TRABD2A: variants seen among roughly 807,000 people sequenced by gnomAD.
The protein encoded by TRABD2A is TraB domain containing 2A.
A neutral mutation model predicts 45.6 loss-of-function variants in TRABD2A; 43 were observed. The ratio of observed to expected loss-of-function variants is 0.94; its 90% CI spans 0.74 to 1.22. The LOEUF is 1.22. Ranked by LOEUF, TRABD2A falls within the 50% of genes most tolerant of loss-of-function variation. TRABD2A has a pLI of 0.00. For missense variants in TRABD2A, 642 were observed against 652.4 expected (o/e 0.98, Z 0.17); for synonymous variants, 269 against 265.0 (o/e 1.02, Z -0.15).
intron 2 of TRABD2A, among the ~76,000 whole-genome samples, chr2:84,845,079 G>C (rs549174339): frequency 6.6e-6 from 1 of 152,168 alleles, no homozygotes; most frequent in African/African-American, 2.4e-5. Flanking sequence ...GGCCAGGCGC[G>C]GTGGCTCACA....
chr2:84,857,153 G>A (rs974616580), intron 2 of TRABD2A, among the ~76,000 whole-genome samples: 1 of 152,214 alleles, frequency 6.6e-6, no homozygotes, highest in Non-Finnish European at 1.5e-5. Context: ...CACCTAGGCT[G>A]TGGTATTCTG....
chr2:84,851,903 A>G (rs1409619694), intron 2 of TRABD2A, among the ~76,000 whole-genome samples: 1 of 152,230 alleles, frequency 6.6e-6, no homozygotes, highest in Non-Finnish European at 1.5e-5. Context: ...TTACATTTAT[A>G]AGCCGTTAAT....
chr2:84,832,234 C>A (rs1472652849), intron 4 of TRABD2A, 89 bp from the exon 5 acceptor site: 7 of 1,320,720 alleles, frequency 5.3e-6, no homozygotes, highest in Non-Finnish European at 7.6e-6. Flanking sequence ...CAAGAAATTA[C>A]CCTGCCAAGC....
chr2:84,864,459 T>G (rs1682607712), intron 2 of TRABD2A, among the ~76,000 whole-genome samples: 1 of 152,172 alleles, frequency 6.6e-6, no homozygotes, highest in Non-Finnish European at 1.5e-5. Context: ...CTTCCGCCTT[T>G]TGAACCTAGT....
intron 1 of TRABD2A, among the ~76,000 whole-genome samples, chr2:84,874,297 T>C (rs890853553): frequency 6.6e-6 from 1 of 152,236 alleles, no homozygotes; most frequent in African/African-American, 2.4e-5. Context: ...ACGTCTGGCC[T>C]CTAGCCATGT....
chr2:84,859,497 G>A (rs1210126328), intron 2 of TRABD2A, among the ~76,000 whole-genome samples: 2 of 152,170 alleles, frequency 1.3e-5, no homozygotes, highest in Non-Finnish European at 2.9e-5. Flanking sequence ...AACCATAAGC[G>A]TGATAATTCA....
intron 1 of TRABD2A, among the ~76,000 whole-genome samples, chr2:84,873,178 T>C (rs1166905920): frequency 6.7e-6 from 1 of 149,938 alleles, no homozygotes; most frequent in Non-Finnish European, 1.5e-5. Flanking sequence ...CCCAGCACTT[T>C]GGGAGGCCGA....
At chr2:84,875,288 G>A (rs1404039286) in intron 1 of TRABD2A, among the ~76,000 whole-genome samples, 2 of 152,196 alleles carry the variant, frequency 1.3e-5, no homozygotes, top group Admixed American at 6.5e-5. Context: ...CCCACTATGG[G>A]GATATCTAAG....
At chr2:84,841,302 A>G (rs1395933526) in intron 3 of TRABD2A, among the ~76,000 whole-genome samples, 1 of 152,188 alleles carries the variant, frequency 6.6e-6, no homozygotes, top group Non-Finnish European at 1.5e-5. Context: ...TCAATGGCCC[A>G]CAGGTAAGGC....
chr2:84,823,923 T>C (rs1371475668), intron 6 of TRABD2A, 30 bp downstream of exon 6: 1 of 1,611,138 alleles, frequency 6.2e-7, no homozygotes, highest in African/African-American at 1.3e-5. Context: ...TAAAGGTGGA[T>C]GCCAACCCGA....
chr2:84,876,046 G>A (rs1238540739), intron 1 of TRABD2A, among the ~76,000 whole-genome samples: 7 of 151,788 alleles, frequency 4.6e-5, no homozygotes, highest in African/African-American at 1.7e-4. Flanking sequence ...ATGAAAGGAT[G>A]AGGTTATCAT....
intron 1 of TRABD2A, among the ~76,000 whole-genome samples, chr2:84,880,162 T>C (rs1683154782): frequency 6.6e-6 from 1 of 152,122 alleles, no homozygotes; most frequent in African/African-American, 2.4e-5. Context: ...ATTCTGAGTG[T>C]AGGAAAACTG....
intron 4 of TRABD2A, chr2:84,833,437 C>T (rs1252367476): frequency 1.3e-5 from 2 of 152,214 alleles, no homozygotes; most frequent in Non-Finnish European, 2.9e-5. Context: ...TTCCACTTAG[C>T]ACTTCTGACT....
intron 2 of TRABD2A, among the ~76,000 whole-genome samples, chr2:84,843,273 T>A (rs1278110865): frequency 4.6e-5 from 7 of 152,200 alleles, no homozygotes; most frequent in Admixed American, 1.3e-4. Flanking sequence ...ACAGGCTTGG[T>A]CCATCTGTGT....
At chr2:84,849,503 CT>C in intron 2 of TRABD2A, 1 of 152,340 alleles carries the variant, frequency 6.6e-6, no homozygotes, top group East Asian at 1.9e-4. Flanking sequence ...TGAGTAATTG[CT>C]GCATATAAAC....
At chr2:84,872,289 A>G (rs1682891671) in intron 1 of TRABD2A, among the ~76,000 whole-genome samples, 1 of 152,182 alleles carries the variant, frequency 6.6e-6, no homozygotes, top group Admixed American at 6.5e-5. Flanking sequence ...CAGGCAGATC[A>G]CTTGAGCTCA....
intron 1 of TRABD2A, among the ~76,000 whole-genome samples, chr2:84,875,970 G>A (rs1300402658): frequency 6.6e-6 from 1 of 151,198 alleles, no homozygotes; most frequent in Non-Finnish European, 1.5e-5. Flanking sequence ...TCCTGCCTGG[G>A]CAACAGAGTG....
Position 84,823,332 on chromosome 2 carries a change from C to T in TRABD2A, c.1334+621G>A, listed in dbSNP as rs146178012. ...CTGCAAGTTCCATGAAGGCAGGGCC[C>T]GTGTCTGGTTGGCCCCACACACATA... On this transcript the variant is annotated intron_variant, in intron 6 of 6. Transcript: ENST00000409520. Among the ~76,000 whole-genome samples the T allele has an allele frequency of 5.6e-4, 85 of 152,292 alleles. 1 individual carries two copies. The highest frequency in any genetic ancestry group is 4.6e-4 in the African/African-American group (19 of 41,566).
At chr2:84,835,846 C>G (rs980813849) in intron 4 of TRABD2A, 1 of 152,234 alleles carries the variant, frequency 6.6e-6, no homozygotes, top group African/African-American at 2.4e-5. Flanking sequence ...CATGAATCCA[C>G]TCATGAATGT....
Sources: gnomAD v4.1 joint callset for allele counts (sites outside exome capture counted in the v4.1 genomes callset) on GRCh38, gnomAD v4.1.1 for gene constraint, MANE v1.5 for transcripts, NCBI Gene and HGNC (gene_info 2026-07-23, HGNC 2026-07-21) for gene names.